The following REV1 variants were observed in gnomAD, a reference collection of about 807,000 sequenced individuals.
The protein encoded by REV1 is REV1 DNA directed polymerase, also known as translesion synthesis protein REV1.
A neutral mutation model predicts 137.4 loss-of-function variants in REV1; 42 were observed. That is an observed-to-expected ratio of 0.31 (90% CI 0.24 to 0.40). The LOEUF (loss-of-function observed/expected upper bound fraction) is 0.40. Among genes scored for constraint, REV1 ranks in the 10% least tolerant of loss-of-function variants. The pLI is 1.00. For synonymous variants in REV1, 524 were observed against 519.2 expected (o/e 1.01, Z -0.12); for missense variants, 1,282 against 1,490.1 (o/e 0.86, Z 2.30).
chr2:99,415,071 G>A (rs1053486745), intron 12 of REV1, among the ~76,000 whole-genome samples: 4 of 152,178 alleles, frequency 2.6e-5, no homozygotes, highest in Admixed American at 6.5e-5. Flanking sequence ...AACCGGAGGT[G>A]GGGGAGGGAG....
intron 1 of REV1, among the ~76,000 whole-genome samples, chr2:99,475,640 T>C (rs964407284): frequency 2.6e-5 from 4 of 152,096 alleles, no homozygotes; most frequent in African/African-American, 4.8e-5. Flanking sequence ...TGAGCCGAGA[T>C]TGAGCCACTG....
At chr2:99,420,207 T>A (rs985012115) in intron 11 of REV1, among the ~76,000 whole-genome samples, 1 of 152,254 alleles carries the variant, frequency 6.6e-6, no homozygotes, top group African/African-American at 2.4e-5. Context: ...ATGCTGGGAA[T>A]GTATTAATCA....
chr2:99,442,996 C>A (rs1177137763), intron 4 of REV1, among the ~76,000 whole-genome samples: 2 of 152,182 alleles, frequency 1.3e-5, no homozygotes, highest in Non-Finnish European at 2.9e-5. Flanking sequence ...CACAACACCA[C>A]TCAAATCCAG....
intron 4 of REV1, among the ~76,000 whole-genome samples, chr2:99,445,355 G>C (rs1682063692): frequency 6.6e-6 from 1 of 152,126 alleles, no homozygotes; most frequent in African/African-American, 2.4e-5. Context: ...CATTGAGCTG[G>C]CATGAACCAG....
At chr2:99,422,008 G>A (rs1037072500) in intron 10 of REV1, among the ~76,000 whole-genome samples, 6 of 152,064 alleles carry the variant, frequency 3.9e-5, no homozygotes, top group Non-Finnish European at 5.9e-5. Context: ...GTTGAAAACC[G>A]GTGGGTGAAT....
At chr2:99,404,350 T>A in intron 18 of REV1, 94 bp downstream of exon 18, 3 of 921,806 alleles carry the variant, frequency 3.3e-6, no homozygotes, top group South Asian at 1.3e-5. Flanking sequence ...TGGTGTCAGA[T>A]ACAGAGGAGA....
At chr2:99,483,802 T>TG (rs1559428037) in intron 1 of REV1, among the ~76,000 whole-genome samples, 1 of 152,058 alleles carries the variant, frequency 6.6e-6, no homozygotes, top group Non-Finnish European at 1.5e-5. Flanking sequence ...AAAATGGCCT[T>TG]GGGGGGAAAA....
At chr2:99,453,488 A>C (rs183051415) in intron 3 of REV1, among the ~76,000 whole-genome samples, 138 of 152,344 alleles carry the variant, frequency 9.1e-4, no homozygotes, top group Admixed American at 3.0e-3. Context: ...ACAAAACATT[A>C]AATTTTGCAA....
At position 99,406,418 on chromosome 2, in the gene REV1, G is replaced by C. The variant is rs754043439; in HGVS notation, c.2521C>G (p.Gln841Glu). ...GACCCACTAGGAAAGTGGCTTGACT[G>C]AACTGATGGGCGACTGGGACATGTG... ...PSTCPSRPSV[Q>E]SSHFPSGSYS... Residue 841 changes from glutamine to glutamate, a missense_variant, in exon 16 of 23, where the codon CAG (glutamine) becomes GAG (glutamate). This residue lies in a region of REV1 where 372 missense variants were observed against 482.3 expected (regional missense o/e 0.77). Coordinates refer to ENST00000258428, the MANE Select transcript of REV1 (RefSeq NM_016316.4). 22 of 1,613,738 alleles carry C rather than the reference G, an allele frequency of 1.4e-5. No homozygotes were observed. Among genetic ancestry groups the C allele is most frequent in the Admixed American group, 5.0e-5 (3 of 60,000 alleles).
chr2:99,487,274 A>G, intron 1 of REV1, among the ~76,000 whole-genome samples: 1 of 49,848 alleles, frequency 2.0e-5, no homozygotes. Flanking sequence ...GGCGACTAAG[A>G]TTCAAATGTA....
chr2:99,420,785 A>G (rs1678555022), intron 11 of REV1, among the ~76,000 whole-genome samples: 1 of 152,174 alleles, frequency 6.6e-6, no homozygotes, highest in South Asian at 2.1e-4. Context: ...GCAAGCTAAG[A>G]CAGTTAACTT....
At position 99,406,509 on chromosome 2, in the gene REV1, A is replaced by AGTAT. The variant is rs780715295; in HGVS notation, c.2449-23_2449-20dup. The AGTAT allele has an allele frequency of 6.4e-6, 10 of 1,557,994 alleles. No homozygotes were observed. In the Admixed American group the frequency reaches 1.2e-4, roughly 18 times the overall value. On this transcript the variant is annotated intron_variant, in intron 15 of 22. Coordinates refer to ENST00000258428, the MANE Select transcript of REV1 (RefSeq NM_016316.4). ...TCCCAACCTAGAACCCAGAATAAAGAGTATGCTTCTAGGAAAACTAAAGTG... is the reference window on the plus strand; with the variant it reads ...TCCCAACCTAGAACCCAGAATAAAGAGTATGTATGCTTCTAGGAAAACTAAAGTG...
intron 3 of REV1, among the ~76,000 whole-genome samples, chr2:99,454,977 T>C (rs1463468675): frequency 6.6e-6 from 1 of 152,198 alleles, no homozygotes; most frequent in Non-Finnish European, 1.5e-5. Flanking sequence ...AAAACAGCCA[T>C]ATGAAGACCA....
chr2:99,450,352 A>G (rs1682781988), intron 3 of REV1, among the ~76,000 whole-genome samples: 1 of 152,134 alleles, frequency 6.6e-6, no homozygotes, highest in Non-Finnish European at 1.5e-5. Context: ...ATTAATCATC[A>G]CTGTTCTCTT....
At chr2:99,447,942 C>T (rs932178355) in intron 4 of REV1, among the ~76,000 whole-genome samples, 1 of 151,128 alleles carries the variant, frequency 6.6e-6, no homozygotes, top group Non-Finnish European at 1.5e-5. Context: ...GGTCTCTGCC[C>T]ACCTCGGCCT....
intron 1 of REV1, among the ~76,000 whole-genome samples, chr2:99,484,990 C>A (rs961297772): frequency 7.2e-5 from 11 of 152,160 alleles, no homozygotes; most frequent in Non-Finnish European, 1.5e-4. Context: ...AAGAGCCTAG[C>A]ACACAGTAAA....
intron 4 of REV1, among the ~76,000 whole-genome samples, chr2:99,448,310 T>G (rs1471434650): frequency 9.3e-6 from 1 of 107,760 alleles, no homozygotes; most frequent in African/African-American, 4.5e-5. Context: ...TACTTTAATA[T>G]TTTACTTCTT....
At chr2:99,458,519 T>C (rs1683783272) in intron 3 of REV1, among the ~76,000 whole-genome samples, 1 of 152,176 alleles carries the variant, frequency 6.6e-6, no homozygotes, top group African/African-American at 2.4e-5. Context: ...GGGTAACAGT[T>C]TGGCAGTTTC....
chr2:99,419,731 G>A (rs1678411396), intron 11 of REV1, among the ~76,000 whole-genome samples: 1 of 152,180 alleles, frequency 6.6e-6, no homozygotes, highest in African/African-American at 2.4e-5. Context: ...GTGTAGGTGT[G>A]GGCAGGGGCC....
Sources: gnomAD v4.1 joint callset for allele counts (sites outside exome capture counted in the v4.1 genomes callset) on GRCh38, gnomAD v4.1.1 for gene constraint, gnomAD v4.1.1 regional missense constraint, MANE v1.5 for transcripts, NCBI Gene and HGNC (gene_info 2026-07-23, HGNC 2026-07-21) for gene names.